Variants in CSTL1 observed in about 807,000 individuals in gnomAD.
CSTL1 encodes cystatin-like 1.
In CSTL1, 14 loss-of-function variants were observed where a neutral mutation model predicts 14.4. The observed-to-expected ratio is 0.97, with a 90% confidence interval of 0.64 to 1.52. The LOEUF is 1.52. CSTL1 is among the 40% of genes most tolerant of loss of function. The pLI is 0.00. For synonymous variants in CSTL1, 72 were observed against 67.5 expected, an observed-to-expected ratio of 1.07 and a Z score of -0.33; for missense variants, 170 against 168.7, an observed-to-expected ratio of 1.01 and a Z score of -0.04.
At chr20:23,444,134 G>C in intron 3 of CSTL1, 90 bp downstream of exon 3, 1 of 1,155,944 alleles carries the variant, frequency 8.7e-7, no homozygotes. Context: ...CACTTGTGTG[G>C]ATTGGGGCCA....
At chr20:23,460,858 C>T in the CSTL1 span, among the ~76,000 whole-genome samples, 1 of 152,188 alleles carries the variant, frequency 6.6e-6, no homozygotes, top group Non-Finnish European at 1.5e-5. Context: ...TCATGCAAAC[C>T]TGCCTCCACC....
the CSTL1 span, chr20:23,459,575 T>G: frequency 6.6e-6 from 1 of 152,152 alleles, no homozygotes; most frequent in Non-Finnish European, 1.5e-5. Flanking sequence ...ATGCACGCAC[T>G]TGCCCAAATG....
the CSTL1 span, chr20:23,450,521 GC>G: frequency 6.2e-7 from 1 of 1,611,772 alleles, no homozygotes; most frequent in Non-Finnish European, 8.5e-7. Context: ...CACTGCTGCA[GC>G]TTTTGTTCAA....
chr20:23,451,176 C>T, the CSTL1 span, among the ~76,000 whole-genome samples: 12 of 152,304 alleles, frequency 7.9e-5, no homozygotes, highest in Non-Finnish European at 1.5e-4. Context: ...CTTCCTCTCC[C>T]TCAGTGCATG....
chr20:23,452,653 G>A, the CSTL1 span: 4 of 1,614,048 alleles, frequency 2.5e-6, no homozygotes, highest in South Asian at 4.4e-5. Flanking sequence ...TGTTATACTG[G>A]TCGGTGATCC....
downstream of CSTL1, among the ~76,000 whole-genome samples, chr20:23,446,504 C>T (rs1419281433): frequency 6.6e-6 from 1 of 152,032 alleles, no homozygotes; most frequent in Non-Finnish European, 1.5e-5. Flanking sequence ...GATCCACCCG[C>T]CTCCGCCTCC....
chr20:23,441,506 A>C (rs1477403404), intron 2 of CSTL1, among the ~76,000 whole-genome samples: 3 of 152,204 alleles, frequency 2.0e-5, no homozygotes, highest in Non-Finnish European at 4.4e-5. Context: ...GGATGCCCAC[A>C]TCCATGGATT....
the CSTL1 span, among the ~76,000 whole-genome samples, chr20:23,459,843 C>T: frequency 1.3e-5 from 2 of 152,348 alleles, no homozygotes; most frequent in Non-Finnish European, 2.9e-5. Flanking sequence ...TTCCAGCCCA[C>T]TCTTCACTGA....
chr20:23,450,539 G>A, the CSTL1 span: 15 of 1,612,334 alleles, frequency 9.3e-6, no homozygotes, highest in Middle Eastern at 1.7e-4. Flanking sequence ...TCAAAATTTT[G>A]TACTGTTCAA....
chr20:23,458,454 T>C, the CSTL1 span: 4 of 152,216 alleles, frequency 2.6e-5, no homozygotes, highest in Non-Finnish European at 5.9e-5. Flanking sequence ...CTGCTAAATC[T>C]TCTTCATTAT....
intron 3 of CSTL1, 120 bp from the exon 4 acceptor site, chr20:23,444,651 C>A: frequency 1.5e-6 from 1 of 657,906 alleles, no homozygotes; most frequent in Non-Finnish European, 2.7e-6. Flanking sequence ...CTGTGGGCAG[C>A]TCCCCTCTCT....
chr20:23,445,861 C>A (rs116377619), downstream of CSTL1, among the ~76,000 whole-genome samples: 1 of 152,056 alleles, frequency 6.6e-6, no homozygotes, highest in East Asian at 1.9e-4. Flanking sequence ...CAGGGCAAAA[C>A]CAGCAAAGGC....
downstream of CSTL1, among the ~76,000 whole-genome samples, chr20:23,448,300 C>A (rs1332051039): frequency 6.6e-6 from 1 of 152,104 alleles, no homozygotes; most frequent in Non-Finnish European, 1.5e-5. Flanking sequence ...GCTTTCATAA[C>A]TAGCAAACAG....
At chr20:23,449,255 C>T (rs1335562094), downstream of CSTL1, among the ~76,000 whole-genome samples, 1 of 152,192 alleles carries the variant, frequency 6.6e-6, no homozygotes, top group Non-Finnish European at 1.5e-5. Context: ...CTGCCGCTTA[C>T]TCTGCCCTGG....
At chr20:23,451,997 G>A in the CSTL1 span, 3,683 of 1,042,166 alleles carry the variant, frequency 3.5e-3, 81 homozygotes, top group African/African-American at 0.045. Context: ...TGGGGGCTCC[G>A]CTACCCCACG....
chr20:23,450,671 G>T, the CSTL1 span: 1 of 1,033,464 alleles, frequency 9.7e-7, no homozygotes, highest in Non-Finnish European at 1.4e-6. Flanking sequence ...AAGACACGAA[G>T]ATGGAGAAAA....
chr20:23,460,749 T>C, the CSTL1 span, among the ~76,000 whole-genome samples: 5 of 152,170 alleles, frequency 3.3e-5, no homozygotes, highest in South Asian at 8.3e-4. Context: ...ACAGACAAAA[T>C]GGGTTAGGGA....
the CSTL1 span, among the ~76,000 whole-genome samples, chr20:23,460,889 G>A: frequency 6.6e-6 from 1 of 152,140 alleles, no homozygotes; most frequent in Non-Finnish European, 1.5e-5. Context: ...TAAGTAAGAA[G>A]ACTACAAGAT....
chr20:23,441,411 T>A (rs1486159714), intron 2 of CSTL1, among the ~76,000 whole-genome samples: 2 of 152,220 alleles, frequency 1.3e-5, no homozygotes, highest in African/African-American at 4.8e-5. Flanking sequence ...GAACCCCTTT[T>A]ATTGGTACAA....
Sources: gnomAD v4.1 joint callset for allele counts (sites outside exome capture counted in the v4.1 genomes callset) on GRCh38, gnomAD v4.1.1 for gene constraint, MANE v1.5 for transcripts, NCBI Gene and HGNC (gene_info 2026-07-23, HGNC 2026-07-21) for gene names.